GAK: variants seen among roughly 807,000 people sequenced by gnomAD.
The protein encoded by GAK is cyclin G associated kinase, also known as cyclin-G-associated kinase.
GAK carries 79 observed loss-of-function variants against 143.9 expected under a neutral mutation model. That is an observed-to-expected ratio of 0.55 (90% CI 0.46 to 0.66). GAK has a LOEUF of 0.66. Among genes scored for constraint, GAK ranks in the 30% least tolerant of loss-of-function variants. The pLI is 0.00. For synonymous variants in GAK, 881 were observed against 765.5 expected (o/e 1.15, Z -2.49); for missense variants, 1,693 against 1,779.7 (o/e 0.95, Z 0.88).
chr4:850,809 T>C (rs1748001685), intron 26 of GAK, 127 bp downstream of exon 26: 1 of 1,048,534 alleles, frequency 9.5e-7, no homozygotes, highest in Non-Finnish European at 1.4e-6. Flanking sequence ...CTCCATGTGG[T>C]ACAGCAGATG....
Position 932,197 on chromosome 4 carries a change from T to G in GAK, c.-10A>C, listed in dbSNP as rs747682097. 5 of 1,529,878 alleles carry G rather than the reference T, an allele frequency of 3.3e-6. No homozygotes were observed. The Admixed American group carries it at 6.0e-5, about 18-fold the overall frequency. 94.8% of individuals were successfully genotyped at this position (1,529,878 alleles called of 1,614,324 possible). On this transcript the variant is annotated 5_prime_UTR_variant, in exon 1 of 28. Coordinates refer to ENST00000314167, the MANE Select transcript of GAK (RefSeq NM_005255.4). This position sits in a 1 kb window ranked among gnomAD's most constrained non-coding sequence, Gnocchi z 4.0. ...ACTGCAGCAGCGACATGGCGGTGGC[T>G]GCGCCGCACCCCGCGGCAGCCGGAG...
In GAK at chr4:902,334, G is replaced by A. The variant is rs556434515; in HGVS notation, c.525+2303C>T. On this transcript the variant is annotated intron_variant, in intron 5 of 27. Transcript: ENST00000314167. ...TTTAAAACTTTGGCAGCCTGGGAGC[G>A]GTGGCTCACACCTGGAATCGACCCC... is the stretch of plus-strand genomic sequence containing the variant. 1.5e-4 allele frequency among the ~76,000 whole-genome samples: 23 copies of A among 151,682 alleles called. 1 individual carries two copies. Among genetic ancestry groups the A allele is most frequent in the African/African-American group, 4.4e-4 (18 of 41,350 alleles).
chr4:889,587 A>G (rs1229605009), intron 10 of GAK, among the ~76,000 whole-genome samples: 1 of 152,158 alleles, frequency 6.6e-6, no homozygotes, highest in African/African-American at 2.4e-5. Context: ...GCCAGCCACT[A>G]CACCTGCATG....
chr4:920,702 C>A (rs1214803733), intron 1 of GAK, among the ~76,000 whole-genome samples: 3 of 151,832 alleles, frequency 2.0e-5, no homozygotes, highest in African/African-American at 7.3e-5. Context: ...CACCACCACG[C>A]CTGGCTAATT....
intron 10 of GAK, among the ~76,000 whole-genome samples, chr4:889,695 C>T (rs562040055): frequency 2.6e-5 from 4 of 152,336 alleles, no homozygotes; most frequent in African/African-American, 9.6e-5. Flanking sequence ...ACCTCCCACA[C>T]CGCAGTGGGG....
chr4:869,205 CAG>C (rs1370687878), intron 19 of GAK: 1 of 62,572 alleles, frequency 1.6e-5, no homozygotes, highest in Non-Finnish European at 3.4e-5. Context: ...AATGCACACA[CAG>C]ATGCATGGTA....
intron 1 of GAK, among the ~76,000 whole-genome samples, chr4:921,322 C>T (rs936823878): frequency 2.0e-5 from 3 of 152,108 alleles, no homozygotes; most frequent in African/African-American, 7.2e-5. Flanking sequence ...AGGTTGGTCT[C>T]GAACTCCTGG....
In GAK at chr4:867,215, C is replaced by A; in HGVS notation, c.2613G>T (p.Leu871=). 6.2e-7 allele frequency: 1 copy of A among 1,612,320 alleles called. No individual in the cohort carries two copies. The highest frequency in any genetic ancestry group is 8.5e-7 in the Non-Finnish European group (1 of 1,179,332). Residue 871 remains leucine (L), a synonymous_variant, in exon 21 of 28, where the codon CTG becomes CTT. Coordinates refer to ENST00000314167, the MANE Select transcript of GAK (RefSeq NM_005255.4). ...CGTCTTCCTGTGGCACAGGCTCTGG[C>A]AGCACAGCCGGTGTCTCCACCTCAA... ...LVFEVETPAV[L]PEPVPQEDGV... is the part of the protein sequence containing the mutation.
At chr4:864,353 C>T (rs1203128738) in intron 23 of GAK, among the ~76,000 whole-genome samples, 1 of 152,054 alleles carries the variant, frequency 6.6e-6, no homozygotes, top group Admixed American at 6.6e-5. Context: ...AGAGCAAGAC[C>T]CTGTCTCAAA....
At chr4:914,824 C>T (rs544631784) in intron 1 of GAK, among the ~76,000 whole-genome samples, 1 of 127,892 alleles carries the variant, frequency 7.8e-6, no homozygotes, top group Non-Finnish European at 1.6e-5. Context: ...ACAGCCCCAA[C>T]GTACACGGCC....
At chr4:852,380 G>A (rs1404495310) in intron 24 of GAK, 8 of 241,820 alleles carry the variant, frequency 3.3e-5, no homozygotes, top group Non-Finnish European at 4.9e-5. Flanking sequence ...CGTCCTAGAG[G>A]GCCACCACCA....
chr4:920,732 C>T (rs550659591), intron 1 of GAK, among the ~76,000 whole-genome samples: 72 of 151,680 alleles, frequency 4.7e-4, no homozygotes, highest in African/African-American at 6.3e-4. Context: ...TTAGTAGAGA[C>T]GGGGTTTCAC....
At chr4:865,479 G>T (rs1322729646) in intron 22 of GAK, among the ~76,000 whole-genome samples, 2 of 143,230 alleles carry the variant, frequency 1.4e-5, no homozygotes, top group African/African-American at 5.1e-5. Context: ...CGCAGGCCAG[G>T]CTGAGAACAA....
At chr4:914,258 C>G (rs1290690513) in intron 1 of GAK, among the ~76,000 whole-genome samples, 1 of 92,658 alleles carries the variant, frequency 1.1e-5, no homozygotes, top group Non-Finnish European at 2.2e-5. Flanking sequence ...CCCACACACA[C>G]AGCCCCAGCG....
chr4:909,217 A>G (rs1323943472), intron 4 of GAK, among the ~76,000 whole-genome samples: 1 of 152,280 alleles, frequency 6.6e-6, no homozygotes, highest in African/African-American at 2.4e-5. Flanking sequence ...AAGTAACACC[A>G]CGAGCGGGAG....
At chr4:921,139 G>C (rs1723863148) in intron 1 of GAK, among the ~76,000 whole-genome samples, 2 of 151,978 alleles carry the variant, frequency 1.3e-5, no homozygotes, top group South Asian at 4.2e-4. Context: ...GTCTCGCTCT[G>C]TCACCCAGGC....
At chr4:931,365 G>A (rs946075821) in intron 1 of GAK, among the ~76,000 whole-genome samples, 1 of 152,086 alleles carries the variant, frequency 6.6e-6, no homozygotes, top group African/African-American at 2.4e-5. Flanking sequence ...AAACACTGAG[G>A]TGTTGAAAGA....
chr4:896,790 C>T (rs565055300), intron 6 of GAK, among the ~76,000 whole-genome samples: 13 of 152,384 alleles, frequency 8.5e-5, no homozygotes, highest in South Asian at 2.1e-4. Context: ...CAATCTCCTA[C>T]GGCCTCCCGT....
Position 849,440 on chromosome 4 carries a change from G to A in GAK, c.*233C>T, listed in dbSNP as rs1372197936. The A allele has an allele frequency of 1.8e-6, 1 of 563,060 alleles. No homozygotes were observed. Among genetic ancestry groups the A allele is most frequent in the South Asian group, 2.2e-5 (1 of 44,718 alleles). 34.9% of individuals were successfully genotyped at this position (563,060 alleles called of 1,614,324 possible). On this transcript the variant is annotated 3_prime_UTR_variant, in exon 28 of 28. Transcript: ENST00000314167. ...ATAAATCACAGACGTGACAATTGCG[G>A]GAGGAGCATGAATCAGCTGTTCCTT... is the stretch of plus-strand genomic sequence containing the variant.
Sources: gnomAD v4.1 joint callset for allele counts (sites outside exome capture counted in the v4.1 genomes callset) on GRCh38, gnomAD v4.1.1 for gene constraint, Gnocchi (gnomAD v3.1) non-coding constraint, MANE v1.5 for transcripts, NCBI Gene and HGNC (gene_info 2026-07-23, HGNC 2026-07-21) for gene names.